Variants in FRK observed in about 807,000 individuals in gnomAD.
FRK encodes tyrosine-protein kinase FRK.
FRK carries 51 observed loss-of-function variants against 56.4 expected under a neutral mutation model. The ratio of observed to expected loss-of-function variants is 0.90; its 90% CI spans 0.72 to 1.14. The LOEUF is 1.14. FRK is among the 50% of genes most tolerant of loss of function. The probability of loss-of-function intolerance (pLI) is 0.00; values close to 1 mark genes in which losing one functional copy is unlikely to be tolerated. For synonymous variants in FRK, 245 were observed against 217.9 expected, an observed-to-expected ratio of 1.12 and a Z score of -1.10; for missense variants, 570 against 601.4, an observed-to-expected ratio of 0.95 and a Z score of 0.55.
intron 5 of FRK, among the ~76,000 whole-genome samples, chr6:115,953,156 G>A (rs1409291744): frequency 6.8e-6 from 1 of 146,558 alleles, no homozygotes; most frequent in East Asian, 2.0e-4. Context: ...GGCTACTTAA[G>A]AGTGGTACAT....
the FRK span, among the ~76,000 whole-genome samples, chr6:116,092,515 T>C: frequency 6.6e-6 from 1 of 152,120 alleles, no homozygotes; most frequent in East Asian, 1.9e-4. Flanking sequence ...CGGTCCTCTT[T>C]GTGGTCTAGG....
chr6:115,997,252 A>G (rs73770691), intron 2 of FRK, among the ~76,000 whole-genome samples: 37 of 152,284 alleles, frequency 2.4e-4, no homozygotes, highest in African/African-American at 8.9e-4. Flanking sequence ...AAATTCTAAT[A>G]TGCTTATTTT....
rs1450120733 is a variant in FRK at position 116,045,139 on chromosome 6, T to C, written c.344+14829A>G. ...TTATGGATAGAAAGAATCAATATCGTGAAAATGGCCATACTGCCCAAAGTA... is the reference window on the plus strand; with the variant it reads ...TTATGGATAGAAAGAATCAATATCGCGAAAATGGCCATACTGCCCAAAGTA... On this transcript the variant is annotated intron_variant, in intron 1 of 7. Coordinates refer to ENST00000606080, the MANE Select transcript of FRK (RefSeq NM_002031.3). Among the ~76,000 whole-genome samples, 3 of 137,084 alleles carry C rather than the reference T, an allele frequency of 2.2e-5. No individual in the cohort carries two copies. The East Asian group carries it at 5.8e-4, about 26-fold the overall frequency. 89.9% of individuals were successfully genotyped at this position (137,084 alleles called of 152,430 possible). A position where few individuals can be genotyped will look rare whatever the true frequency, so the allele number is the denominator to read the frequency against.
chr6:115,951,452 T>C (rs1772746333), intron 5 of FRK, among the ~76,000 whole-genome samples: 1 of 152,202 alleles, frequency 6.6e-6, no homozygotes, highest in Admixed American at 6.5e-5. Context: ...ATAGATGTTC[T>C]ATAAGTATTT....
intron 1 of FRK, among the ~76,000 whole-genome samples, chr6:116,011,480 A>G (rs554430626): frequency 6.6e-6 from 1 of 152,264 alleles, no homozygotes; most frequent in South Asian, 2.1e-4. Context: ...AGGAAAAAAA[A>G]AAAACATCCT....
the FRK span, among the ~76,000 whole-genome samples, chr6:116,093,706 G>A: frequency 2.5e-3 from 386 of 152,242 alleles, 10 homozygotes; most frequent in South Asian, 0.044. Flanking sequence ...AGGAGAATTA[G>A]GAAAAATGAA....
chr6:116,078,178 C>A, the FRK span, among the ~76,000 whole-genome samples: 1 of 152,178 alleles, frequency 6.6e-6, no homozygotes, highest in Middle Eastern at 3.2e-3. Context: ...AATAAATAAA[C>A]ATTTGAAAAT....
intron 5 of FRK, among the ~76,000 whole-genome samples, chr6:115,947,248 T>A (rs1444409685): frequency 6.6e-6 from 1 of 152,112 alleles, no homozygotes; most frequent in African/African-American, 2.4e-5. Context: ...GTTTTCTATA[T>A]ATATGATATT....
At chr6:116,050,364 T>G (rs1258441980) in intron 1 of FRK, among the ~76,000 whole-genome samples, 1 of 152,218 alleles carries the variant, frequency 6.6e-6, no homozygotes, top group Non-Finnish European at 1.5e-5. Context: ...TAACCAATTC[T>G]AGCTTTATTC....
intron 1 of FRK, among the ~76,000 whole-genome samples, chr6:116,059,608 G>A (rs1447629604): frequency 6.6e-6 from 1 of 152,126 alleles, no homozygotes; most frequent in Non-Finnish European, 1.5e-5. Context: ...ATATCATTAA[G>A]GGAAGTCTTA....
chr6:116,037,859 G>A (rs902985382), intron 1 of FRK, among the ~76,000 whole-genome samples: 5 of 151,800 alleles, frequency 3.3e-5, no homozygotes, highest in African/African-American at 1.2e-4. Context: ...CTCCTCTACT[G>A]CACCTGGGTC....
chr6:116,004,273 T>C (rs1247230554), intron 1 of FRK, among the ~76,000 whole-genome samples: 1 of 152,176 alleles, frequency 6.6e-6, no homozygotes, highest in East Asian at 1.9e-4. Context: ...TGAGAGGTCC[T>C]GAGCCTTCCC....
chr6:116,016,175 G>A (rs1450084619), intron 1 of FRK, among the ~76,000 whole-genome samples: 10 of 152,158 alleles, frequency 6.6e-5, no homozygotes. Flanking sequence ...GGTCTCATGG[G>A]CTGGGTACAG....
rs1283739585 is a variant in FRK, at chr6:116,060,348, C to G, written c.-37G>C. ...GGGGAGAAGAGGAGCAGGGCTTCTC[C>G]CTCTCCCCTTAGTCTCTGCGATCCA... On this transcript the variant is annotated 5_prime_UTR_variant, in exon 1 of 8. Coordinates refer to ENST00000606080, the MANE Select transcript of FRK (RefSeq NM_002031.3). The G allele has an allele frequency of 1.3e-6, 2 of 1,532,518 alleles. No individual in the cohort carries two copies. The highest frequency in any genetic ancestry group is 3.5e-5 in the Admixed American group (2 of 57,078). 94.9% of individuals were successfully genotyped at this position (1,532,518 alleles called of 1,614,324 possible).
chr6:115,994,036 T>C (rs1774725972), intron 2 of FRK, among the ~76,000 whole-genome samples: 1 of 152,086 alleles, frequency 6.6e-6, no homozygotes, highest in Admixed American at 6.6e-5. Flanking sequence ...TCTCTTATAG[T>C]ATTCTTTTTC....
At chr6:115,987,821 T>C (rs1774447618) in intron 2 of FRK, among the ~76,000 whole-genome samples, 1 of 152,082 alleles carries the variant, frequency 6.6e-6, no homozygotes, top group Non-Finnish European at 1.5e-5. Context: ...GCATGGATCA[T>C]CTCTTTGTTC....
At chr6:116,055,562 C>T (rs1777360452) in intron 1 of FRK, among the ~76,000 whole-genome samples, 1 of 152,202 alleles carries the variant, frequency 6.6e-6, no homozygotes, top group Non-Finnish European at 1.5e-5. Flanking sequence ...AGCCCTCCTA[C>T]CCACAAAGGT....
intron 1 of FRK, among the ~76,000 whole-genome samples, chr6:116,043,707 AG>A (rs1009319578): frequency 6.6e-6 from 1 of 152,186 alleles, no homozygotes; most frequent in Non-Finnish European, 1.5e-5. Context: ...CAAATTCAAA[AG>A]CTAGCAGAAG....
At chr6:116,084,547 A>T in the FRK span, among the ~76,000 whole-genome samples, 1 of 152,202 alleles carries the variant, frequency 6.6e-6, no homozygotes, top group Non-Finnish European at 1.5e-5. Context: ...GCCTTATTCA[A>T]ATAGCTGTAG....
Sources: gnomAD v4.1 joint callset for allele counts (sites outside exome capture counted in the v4.1 genomes callset) on GRCh38, gnomAD v4.1.1 for gene constraint, MANE v1.5 for transcripts, NCBI Gene and HGNC (gene_info 2026-07-23, HGNC 2026-07-21) for gene names.